The following NRXN3 variants were observed in gnomAD, a reference collection of about 807,000 sequenced individuals.
NRXN3 encodes the protein neurexin III.
In NRXN3, 32 loss-of-function variants were observed where a neutral mutation model predicts 137.6. The ratio of observed to expected loss-of-function variants is 0.23; its 90% confidence interval spans 0.18 to 0.31. NRXN3 has a LOEUF of 0.31. Among genes scored for constraint, NRXN3 ranks in the 10% least tolerant of loss-of-function variants. The pLI is 1.00. For missense variants in NRXN3, 1,574 were observed against 2,062.5 expected (o/e 0.76, Z 4.59); for synonymous variants, 798 against 784.5 (o/e 1.02, Z -0.29).
intron 16 of NRXN3, among the ~76,000 whole-genome samples, chr14:79,519,777 T>C (rs1254946682): frequency 6.6e-6 from 1 of 150,806 alleles, no homozygotes; most frequent in Admixed American, 6.6e-5. Flanking sequence ...TCTTTTTTTT[T>C]TTTTTTTTTG....
chr14:78,432,015 T>C (rs2093899480), intron 4 of NRXN3, among the ~76,000 whole-genome samples: 1 of 152,066 alleles, frequency 6.6e-6, no homozygotes, highest in Non-Finnish European at 1.5e-5. Flanking sequence ...ACTGGTGCCA[T>C]TATGGGGGAG....
At chr14:79,234,362 A>G (rs2072995344) in intron 15 of NRXN3, among the ~76,000 whole-genome samples, 1 of 132,470 alleles carries the variant, frequency 7.5e-6, no homozygotes. Context: ...TATATTATAT[A>G]TGTATTATGT....
intron 4 of NRXN3, among the ~76,000 whole-genome samples, chr14:78,625,517 C>T (rs983880341): frequency 6.6e-6 from 1 of 152,168 alleles, no homozygotes; most frequent in Non-Finnish European, 1.5e-5. Flanking sequence ...TACTGGCAAC[C>T]TCCTTGTACT....
intron 4 of NRXN3, among the ~76,000 whole-genome samples, chr14:78,469,937 T>G (rs1202832237): frequency 6.6e-6 from 1 of 152,248 alleles, no homozygotes; most frequent in Non-Finnish European, 1.5e-5. Context: ...AGATAATTCC[T>G]TGATATGCTT....
At chr14:78,461,672 G>A (rs771089077) in intron 4 of NRXN3, among the ~76,000 whole-genome samples, 1 of 152,110 alleles carries the variant, frequency 6.6e-6, no homozygotes, top group Non-Finnish European at 1.5e-5. Flanking sequence ...TAGAACTGTG[G>A]GAAAAAGAAA....
At chr14:79,049,047 A>T (rs1374611794) in intron 15 of NRXN3, among the ~76,000 whole-genome samples, 16 of 51,750 alleles carry the variant, frequency 3.1e-4, no homozygotes, top group Non-Finnish European at 4.7e-4. Flanking sequence ...AAAAAAAAAA[A>T]AAAAAAAAAA....
intron 15 of NRXN3, among the ~76,000 whole-genome samples, chr14:79,123,598 G>A (rs1020559519): frequency 1.2e-4 from 19 of 152,214 alleles, no homozygotes; most frequent in Non-Finnish European, 2.8e-4. Context: ...CCCCTCTCAA[G>A]GAGCTTAAAA....
At chr14:78,553,535 G>A (rs565812193) in intron 4 of NRXN3, among the ~76,000 whole-genome samples, 9 of 152,154 alleles carry the variant, frequency 5.9e-5, no homozygotes, top group Non-Finnish European at 1.3e-4. Context: ...CCCTCTCAGA[G>A]TTGTAGAAAA....
intron 8 of NRXN3, among the ~76,000 whole-genome samples, chr14:78,774,346 G>T (rs1415658706): frequency 6.6e-6 from 1 of 152,134 alleles, no homozygotes; most frequent in African/African-American, 2.4e-5. Flanking sequence ...CAAGATAAAT[G>T]AGCCCAAGAA....
intron 19 of NRXN3, among the ~76,000 whole-genome samples, chr14:79,756,928 G>A (rs565383070): frequency 6.6e-6 from 1 of 152,314 alleles, no homozygotes; most frequent in South Asian, 2.1e-4. Context: ...TGAGTGGTCA[G>A]CAGATGTTTT....
intron 10 of NRXN3, among the ~76,000 whole-genome samples, chr14:78,829,012 G>T (rs1315204610): frequency 6.6e-6 from 1 of 152,086 alleles, no homozygotes; most frequent in Non-Finnish European, 1.5e-5. Flanking sequence ...ATCTAGTCTT[G>T]GAAGGGTTTG....
At chr14:78,882,969 TAGTG>T (rs1211255215) in intron 10 of NRXN3, among the ~76,000 whole-genome samples, 1 of 152,114 alleles carries the variant, frequency 6.6e-6, no homozygotes, top group African/African-American at 2.4e-5. Context: ...GTTCTCATGA[TAGTG>T]AGTGAGTTCT....
At chr14:78,819,496 A>G (rs1301397722) in intron 10 of NRXN3, among the ~76,000 whole-genome samples, 4 of 152,148 alleles carry the variant, frequency 2.6e-5, no homozygotes, top group Non-Finnish European at 5.9e-5. Flanking sequence ...TGCACATAAT[A>G]TAAGACACCA....
At chr14:79,304,313 G>A (rs1047915892) in intron 15 of NRXN3, among the ~76,000 whole-genome samples, 3 of 152,062 alleles carry the variant, frequency 2.0e-5, no homozygotes, top group African/African-American at 7.2e-5. Flanking sequence ...CCAGAAAAGA[G>A]AGGCTTGGTC....
intron 15 of NRXN3, among the ~76,000 whole-genome samples, chr14:79,395,823 A>G (rs1327254402): frequency 6.6e-6 from 1 of 151,554 alleles, no homozygotes. Context: ...AAAAAAAAAA[A>G]TGCAGGCTGT....
chr14:79,592,042 T>C (rs1437424467), intron 16 of NRXN3, among the ~76,000 whole-genome samples: 1 of 152,202 alleles, frequency 6.6e-6, no homozygotes, highest in Admixed American at 6.5e-5. Context: ...AGGGAACTTT[T>C]TCACCTTTTC....
intron 10 of NRXN3, among the ~76,000 whole-genome samples, chr14:78,925,203 C>T (rs1199098978): frequency 1.3e-5 from 2 of 152,218 alleles, no homozygotes; most frequent in East Asian, 3.9e-4. Flanking sequence ...GAAAGTCTGT[C>T]TAGAAATCAA....
At chr14:79,384,412 A>C (rs1599511681) in intron 15 of NRXN3, among the ~76,000 whole-genome samples, 1 of 152,120 alleles carries the variant, frequency 6.6e-6, no homozygotes, top group Admixed American at 6.6e-5. Context: ...TTTTCTTAAT[A>C]ATCTATAAAT....
intron 10 of NRXN3, among the ~76,000 whole-genome samples, chr14:78,855,236 C>T (rs909250224): frequency 4.0e-5 from 6 of 151,376 alleles, no homozygotes; most frequent in East Asian, 1.9e-4. Context: ...TAGTCTTCAA[C>T]GATAGAGTGA....
Sources: gnomAD v4.1 joint callset for allele counts (sites outside exome capture counted in the v4.1 genomes callset) on GRCh38, gnomAD v4.1.1 for gene constraint, MANE v1.5 for transcripts, NCBI Gene and HGNC (gene_info 2026-07-23, HGNC 2026-07-21) for gene names.